The following CLEC3A variants were observed in gnomAD, a reference collection of about 807,000 sequenced individuals.
CLEC3A encodes the protein C-type (calcium dependent, carbohydrate-recognition domain) lectin, superfamily member 1 (cartilage-derived).
CLEC3A carries 28 observed loss-of-function variants against 20.4 expected under a neutral mutation model. The observed-to-expected ratio is 1.37, with a 90% CI of 1.02 to 1.88. CLEC3A has a LOEUF of 1.88. Among genes scored for constraint, CLEC3A ranks in the 40% most tolerant of loss-of-function variants. The pLI is 0.00. For synonymous variants in CLEC3A, 110 were observed against 88.1 expected, an observed-to-expected ratio of 1.25 and a Z score of -1.39; for missense variants, 357 against 240.4, an observed-to-expected ratio of 1.48 and a Z score of -3.21.
At chr16:78,029,584 G>A (rs575667384) in intron 2 of CLEC3A, among the ~76,000 whole-genome samples, 1 of 151,972 alleles carries the variant, frequency 6.6e-6, no homozygotes, top group South Asian at 2.1e-4. Flanking sequence ...TGGCCAGACT[G>A]GTCTTGAACT....
chr16:78,025,721 T>C (rs2029894668), intron 1 of CLEC3A, among the ~76,000 whole-genome samples: 1 of 152,234 alleles, frequency 6.6e-6, no homozygotes, highest in Non-Finnish European at 1.5e-5. Context: ...CATTCATGAA[T>C]AAAATATGAC....
rs761482182 is a variant in CLEC3A, at chr16:78,028,199, C to T, written c.199+9C>T. 1.5e-5 allele frequency: 23 copies of T among 1,573,946 alleles called. No homozygotes were observed. Among genetic ancestry groups the T allele is most frequent in the South Asian group, 2.4e-5 (2 of 84,806 alleles). On this transcript the variant is annotated intron_variant, in intron 2 of 2. Coordinates refer to ENST00000299642, the MANE Select transcript of CLEC3A (RefSeq NM_005752.6). ...TCAAGCCCTGCAGACAGGTAAGGTG[C>T]AGACCTTCTCAGTGCCTTGTCCCAA...
intron 1 of CLEC3A, 87 bp from the exon 2 acceptor site, chr16:78,028,020 C>A (rs2029975533): frequency 1.1e-6 from 1 of 916,430 alleles, no homozygotes; most frequent in East Asian, 2.5e-5. Context: ...CCACTATTGC[C>A]TTGGGTCCTA....
Position 78,022,674 on chromosome 16 carries a change from C to A in CLEC3A, c.48C>A (p.Leu16=). Residue 16 remains leucine (L), a synonymous_variant, in exon 1 of 3, where the codon CTC becomes CTA. Transcript: ENST00000299642. ...LVICILVITL[L]LDQTTSHTSR... ...TTTGCATCCTGGTGATCACCTTACTCCTGGACCAGACCACCAGCCACACAT... is the reference window on the plus strand; with the variant it reads ...TTTGCATCCTGGTGATCACCTTACTACTGGACCAGACCACCAGCCACACAT... 4 of 1,614,142 alleles carry A rather than the reference C, an allele frequency of 2.5e-6. No homozygotes were observed. Among genetic ancestry groups the A allele is most frequent in the Non-Finnish European group, 3.4e-6 (4 of 1,180,036 alleles).
Position 78,030,826 on chromosome 16 carries a change from C to G in CLEC3A, c.579C>G (p.Phe193Leu). The G allele has an allele frequency of 2.5e-6, 4 of 1,612,276 alleles. No homozygotes were observed. Among genetic ancestry groups the G allele is most frequent in the Non-Finnish European group, 3.4e-6 (4 of 1,179,040 alleles). Residue 193 changes from phenylalanine to leucine, a missense_variant, in exon 3 of 3, where the codon TTC becomes TTG. Coordinates refer to ENST00000299642, the MANE Select transcript of CLEC3A (RefSeq NM_005752.6). ...CRSSKRYICE[F>L]TIPQ The stretch of plus-strand genomic sequence containing the variant: ...GCAGCAAGAGATACATATGCGAGTT[C>G]ACCATCCCTCAATAGGTCTTTCTCC...
chr16:78,028,108 C>A lies in CLEC3A; in HGVS notation c.117C>A (p.Asp39Glu), dbSNP rs199500922. 3.7e-6 allele frequency: 6 copies of A among 1,606,118 alleles called. No individual in the cohort carries two copies. The highest frequency in any genetic ancestry group is 5.1e-6 in the Non-Finnish European group (6 of 1,177,824). ...ATCCCACCCTAAAATTTTCCCCAGA[C>A]AAGGATGGAGATCTGAAGACTCAAA... ...ARKHSKRRVR[D>E]KDGDLKTQIE... Residue 39 changes from aspartate (D) to glutamate (E), a missense_variant and splice_region_variant, in exon 2 of 3, where the codon GAC (aspartate) becomes GAA (glutamate). Asp to Glu is a conservative substitution (Grantham distance 45). Coordinates refer to ENST00000299642, the MANE Select transcript of CLEC3A (RefSeq NM_005752.6).
chr16:78,030,359 C>A, intron 2 of CLEC3A, 88 bp from the exon 3 acceptor site: 1 of 1,182,778 alleles, frequency 8.5e-7, no homozygotes, highest in Non-Finnish European at 1.2e-6. Context: ...CTTCATTCCA[C>A]AAATACTTAT....
chr16:78,030,134 C>G (rs1231310418), intron 2 of CLEC3A, among the ~76,000 whole-genome samples: 1 of 110,992 alleles, frequency 9.0e-6, no homozygotes, highest in Non-Finnish European at 1.7e-5. Flanking sequence ...GCCTGGGCGA[C>G]AGAGCGAGAC....
Position 78,031,225 on chromosome 16 carries a change from G to A in CLEC3A, c.*384G>A, listed in dbSNP as rs149833808. 1.3e-4 allele frequency: 22 copies of A among 172,154 alleles called. No homozygotes were observed. The East Asian group carries it at 1.9e-3, about 15-fold the overall frequency. 10.7% of individuals were successfully genotyped at this position (172,154 alleles called of 1,614,324 possible). ...AAAGATTTTCCCTTGGAAGTTTAGC[G>A]TATGTTTGACTAACAAAAATTCCCT... On this transcript the variant is annotated 3_prime_UTR_variant, in exon 3 of 3. Coordinates refer to ENST00000299642, the MANE Select transcript of CLEC3A (RefSeq NM_005752.6).
rs765491462 is a variant in CLEC3A at position 78,030,772 on chromosome 16, G to C, written c.525G>C (p.Gln175His). ...GTGTCCTGTTCTCCCAATCAGCTCA[G>C]GGCAAGTGGAGTGATGAGGCCTGTC... ...ENCVLFSQSA[Q>H]GKWSDEACRS... Residue 175 changes from glutamine (Q) to histidine (H), a missense_variant, in exon 3 of 3, where the codon CAG (glutamine) becomes CAC (histidine). Physicochemically the swap from Gln to His is conservative, Grantham distance 24. Transcript: ENST00000299642. 6 of 1,614,036 alleles carry C rather than the reference G, an allele frequency of 3.7e-6. No homozygotes were observed. The highest frequency in any genetic ancestry group is 2.2e-5 in the East Asian group (1 of 44,892).
chr16:78,025,069 C>G (rs61115927), intron 1 of CLEC3A, among the ~76,000 whole-genome samples: 2,198 of 152,296 alleles, frequency 0.014, 50 homozygotes, highest in African/African-American at 0.051. Context: ...CTCCTGACCT[C>G]AGGTGATGGG....
chr16:78,029,209 G>A (rs2030012731), intron 2 of CLEC3A: 2 of 445,600 alleles, frequency 4.5e-6, no homozygotes. Flanking sequence ...CCTAAACCCA[G>A]GCACTATGGG....
chr16:78,024,664 T>C (rs181921488), intron 1 of CLEC3A, among the ~76,000 whole-genome samples: 8 of 152,188 alleles, frequency 5.3e-5, no homozygotes, highest in Middle Eastern at 3.4e-3. Context: ...TCCCCACCCA[T>C]CCATATACTT....
intron 2 of CLEC3A, 67 bp from the exon 3 acceptor site, chr16:78,030,380 C>T: frequency 7.2e-7 from 1 of 1,386,664 alleles, no homozygotes; most frequent in Non-Finnish European, 9.8e-7. Flanking sequence ...TGCTATTTGC[C>T]AGGTCCAGCC....
intron 2 of CLEC3A, chr16:78,028,945 T>A: frequency 3.0e-6 from 1 of 338,506 alleles, no homozygotes. Flanking sequence ...AAGGGTGACA[T>A]ACTCCCTTTA....
At chr16:78,026,121 T>G (rs1567543249) in intron 1 of CLEC3A, among the ~76,000 whole-genome samples, 1 of 152,192 alleles carries the variant, frequency 6.6e-6, no homozygotes, top group Non-Finnish European at 1.5e-5. Flanking sequence ...ATCTTTAGGT[T>G]ATAGTATTTC....
At chr16:78,025,685 C>T (rs1166633370) in intron 1 of CLEC3A, among the ~76,000 whole-genome samples, 2 of 152,162 alleles carry the variant, frequency 1.3e-5, no homozygotes, top group Non-Finnish European at 2.9e-5. Flanking sequence ...CTGGTACTTG[C>T]TTCATAGGTC....
chr16:78,028,187 A>G lies in CLEC3A; in HGVS notation c.196A>G (p.Thr66Ala). Residue 66 changes from threonine to alanine, a missense_variant, in exon 2 of 3, where the codon ACA becomes GCA. Thr to Ala is a moderately conservative substitution (Grantham distance 58). Transcript: ENST00000299642. ...CTTGAAGGAAATTCAAGCCCTGCAG[A>G]CAGGTAAGGTGCAGACCTTCTCAGT... ...NALKEIQALQ[T>A]VCLRGTKVHK... is the part of the protein sequence containing the mutation. The G allele has an allele frequency of 6.2e-7, 1 of 1,607,028 alleles. No individual in the cohort carries two copies. The highest frequency in any genetic ancestry group is 8.5e-7 in the Non-Finnish European group (1 of 1,178,046).
chr16:78,030,794 T>A lies in CLEC3A; in HGVS notation c.547T>A (p.Cys183Ser). 6.2e-7 allele frequency: 1 copy of A among 1,614,072 alleles called. No homozygotes were observed. Among genetic ancestry groups the A allele is most frequent in the Non-Finnish European group, 8.5e-7 (1 of 1,180,010 alleles). The change falls in exon 3 of 3, where the codon TGT (cysteine) becomes AGT (serine). Residue 183 changes from cysteine to serine, a missense_variant. Coordinates refer to ENST00000299642, the MANE Select transcript of CLEC3A (RefSeq NM_005752.6). ...TCAGGGCAAGTGGAGTGATGAGGCC[T>A]GTCGCAGCAGCAAGAGATACATATG... ...SAQGKWSDEA[C>S]RSSKRYICEF...
Sources: gnomAD v4.1 joint callset for allele counts (sites outside exome capture counted in the v4.1 genomes callset) on GRCh38, gnomAD v4.1.1 for gene constraint, MANE v1.5 for transcripts, NCBI Gene and HGNC (gene_info 2026-07-23, HGNC 2026-07-21) for gene names.